XPR1: variants seen among roughly 807,000 people sequenced by gnomAD.
XPR1 encodes solute carrier family 53 member 1.
Under a neutral mutation model 87.5 loss-of-function variants are expected in XPR1, and 28 were observed. That is an observed-to-expected ratio of 0.32 (90% CI 0.24 to 0.44). The LOEUF is 0.44. XPR1 is among the 20% of genes least tolerant of loss of function. XPR1 has a pLI of 1.00. For missense variants in XPR1, 559 were observed against 862.3 expected (o/e 0.65, Z 4.41); for synonymous variants, 300 against 306.1 (o/e 0.98, Z 0.21).
intron 1 of XPR1, among the ~76,000 whole-genome samples, chr1:180,665,416 AG>A (rs1261174337): frequency 6.6e-6 from 1 of 152,188 alleles, no homozygotes; most frequent in African/African-American, 2.4e-5. Context: ...GGTTCCTAAC[AG>A]GCCAAAGACC....
intron 7 of XPR1, among the ~76,000 whole-genome samples, chr1:180,823,068 C>T (rs998922723): frequency 2.6e-5 from 4 of 151,896 alleles, no homozygotes; most frequent in East Asian, 1.9e-4. Context: ...GATGAAACCC[C>T]GTCTCTACTA....
intron 2 of XPR1, among the ~76,000 whole-genome samples, chr1:180,736,942 T>C (rs1304074114): frequency 6.6e-6 from 1 of 152,200 alleles, no homozygotes; most frequent in African/African-American, 2.4e-5. Context: ...AAAGAAGCGA[T>C]GTCTCAAGCA....
intron 7 of XPR1, among the ~76,000 whole-genome samples, chr1:180,821,976 C>T (rs2102147436): frequency 6.6e-6 from 1 of 152,250 alleles, no homozygotes; most frequent in South Asian, 2.1e-4. Context: ...TGTTGTAATG[C>T]ATCTGTGGTC....
intron 1 of XPR1, among the ~76,000 whole-genome samples, chr1:180,662,395 T>C (rs1655809381): frequency 6.6e-6 from 1 of 152,236 alleles, no homozygotes; most frequent in African/African-American, 2.4e-5. Context: ...TTTTGTCAGA[T>C]ATACTATTTT....
At chr1:180,778,363 A>G (rs563143009) in intron 2 of XPR1, among the ~76,000 whole-genome samples, 1 of 152,272 alleles carries the variant, frequency 6.6e-6, no homozygotes, top group African/African-American at 2.4e-5. Context: ...ACCAAGGACT[A>G]TATTCTTATA....
At chr1:180,712,973 A>C (rs1048780529) in intron 2 of XPR1, among the ~76,000 whole-genome samples, 3 of 101,238 alleles carry the variant, frequency 3.0e-5, no homozygotes, top group Non-Finnish European at 6.1e-5. Flanking sequence ...AGTTTTGTCT[A>C]TTCTAGGTCC....
intron 3 of XPR1, among the ~76,000 whole-genome samples, chr1:180,798,593 T>C (rs1203101887): frequency 6.6e-6 from 1 of 152,128 alleles, no homozygotes; most frequent in Admixed American, 6.6e-5. Context: ...AGTAGTTCTT[T>C]TATTAATTGC....
rs1392422071 is a variant in XPR1 at position 180,780,057 on chromosome 1, GTTTATCCA to G, written c.122-7685_122-7678del. On this transcript the variant is annotated intron_variant, in intron 2 of 14. Transcript: ENST00000367590. Reference sequence around the variant, plus strand: ...CAATTGTATGGATATGCTACATTTTGTTTATCCATTTATCCATTGGGTTGTTTCTACTT... The same window carrying G: ...CAATTGTATGGATATGCTACATTTTGTTTATCCATTGGGTTGTTTCTACTT... Among the ~76,000 whole-genome samples the G allele has an allele frequency of 2.0e-5, 3 of 152,186 alleles. No individual in the cohort carries two copies. In the East Asian group the frequency reaches 5.8e-4, roughly 29 times the overall value.
At chr1:180,696,202 GTGTGTGTA>G (rs778738080) in intron 2 of XPR1, among the ~76,000 whole-genome samples, 34 of 106,348 alleles carry the variant, frequency 3.2e-4, no homozygotes, top group Admixed American at 6.6e-4. Flanking sequence ...GTGTGTGTGT[GTGTGTGTA>G]TATATATATA....
At chr1:180,677,428 A>T (rs1656404783) in intron 1 of XPR1, among the ~76,000 whole-genome samples, 1 of 152,118 alleles carries the variant, frequency 6.6e-6, no homozygotes, top group South Asian at 2.1e-4. Context: ...TGGGTTGGAG[A>T]TAAAATCATA....
intron 2 of XPR1, among the ~76,000 whole-genome samples, chr1:180,768,020 AT>A (rs1444299737): frequency 6.6e-6 from 1 of 151,888 alleles, no homozygotes; most frequent in African/African-American, 2.4e-5. Flanking sequence ...AATTTTTTGT[AT>A]TTTTAGTAAA....
intron 2 of XPR1, among the ~76,000 whole-genome samples, chr1:180,730,700 G>A (rs577600911): frequency 4.6e-5 from 7 of 152,086 alleles, no homozygotes; most frequent in East Asian, 3.9e-4. Flanking sequence ...GTCTCACTCC[G>A]TTGCTTAGGC....
chr1:180,688,018 T>C (rs943873394), intron 2 of XPR1, among the ~76,000 whole-genome samples: 1 of 151,612 alleles, frequency 6.6e-6, no homozygotes, highest in African/African-American at 2.4e-5. Context: ...GACTTAGAAT[T>C]CTGTGTTACA....
chr1:180,803,312 G>A, intron 3 of XPR1, 76 bp from the exon 4 acceptor site: 1 of 1,347,962 alleles, frequency 7.4e-7, no homozygotes, highest in Non-Finnish European at 1.0e-6. Flanking sequence ...GAGCAAATGG[G>A]AATTATTAAA....
At chr1:180,827,153 C>CA (rs11324246) in intron 9 of XPR1, among the ~76,000 whole-genome samples, 2,232 of 65,714 alleles carry the variant, frequency 0.034, 33 homozygotes, top group Admixed American at 0.07. Flanking sequence ...GACTCCTTCT[C>CA]AAAAAAAAAA....
chr1:180,728,696 T>A (rs1306883060), intron 2 of XPR1, among the ~76,000 whole-genome samples: 1 of 152,218 alleles, frequency 6.6e-6, no homozygotes, highest in African/African-American at 2.4e-5. Context: ...CTCAGAGACC[T>A]TAGTTGACTT....
At chr1:180,807,469 A>G (rs1017279372) in intron 6 of XPR1, among the ~76,000 whole-genome samples, 6 of 152,250 alleles carry the variant, frequency 3.9e-5, no homozygotes, top group African/African-American at 1.2e-4. Context: ...TATCATCAAA[A>G]TATACAATGC....
chr1:180,796,536 A>T (rs1434773258), intron 3 of XPR1, among the ~76,000 whole-genome samples: 1 of 152,160 alleles, frequency 6.6e-6, no homozygotes, highest in African/African-American at 2.4e-5. Flanking sequence ...TCTATATGGG[A>T]ATGTAGGCTA....
chr1:180,734,603 G>A (rs1400653195), intron 2 of XPR1, among the ~76,000 whole-genome samples: 1 of 152,190 alleles, frequency 6.6e-6, no homozygotes, highest in African/African-American at 2.4e-5. Flanking sequence ...TTCAAGACTG[G>A]GAGGGGCCAT....
Sources: allele counts gnomAD v4.1 joint callset (sites outside exome capture counted in the v4.1 genomes callset), GRCh38; gene constraint gnomAD v4.1.1; transcripts MANE v1.5; gene names NCBI Gene and HGNC (gene_info 2026-07-23, HGNC 2026-07-21).